FIP1L1: variants seen among roughly 807,000 people sequenced by gnomAD.
The protein encoded by FIP1L1 is pre-mRNA 3'-end-processing factor FIP1.
A neutral mutation model predicts 84.6 loss-of-function variants in FIP1L1; 21 were observed. The observed-to-expected ratio is 0.25, with a 90% CI of 0.18 to 0.36. FIP1L1 has a LOEUF of 0.36. FIP1L1 is among the 10% of genes least tolerant of loss of function. The pLI, the probability that FIP1L1 is intolerant of heterozygous loss-of-function variation, is 1.00. For missense variants in FIP1L1, 526 were observed against 751.1 expected, an observed-to-expected ratio of 0.70 and a Z score of 3.50; for synonymous variants, 263 against 242.3, an observed-to-expected ratio of 1.09 and a Z score of -0.80.
chr4:53,390,480 T>C (rs950561985), intron 6 of FIP1L1, 41 bp from the exon 7 acceptor site: 1 of 1,316,442 alleles, frequency 7.6e-7, no homozygotes, highest in South Asian at 1.2e-5. Context: ...GCCTGGCTTC[T>C]TGCAAGTATA....
chr4:53,413,756 G>C (rs1436668719), intron 10 of FIP1L1, among the ~76,000 whole-genome samples: 2 of 152,040 alleles, frequency 1.3e-5, no homozygotes, highest in East Asian at 3.8e-4. Flanking sequence ...TATTGTGTCT[G>C]TTTGTATGCA....
chr4:53,438,164 A>G (rs1481783426), intron 13 of FIP1L1, among the ~76,000 whole-genome samples: 1 of 152,110 alleles, frequency 6.6e-6, no homozygotes, highest in East Asian at 1.9e-4. Context: ...ACATTTTTTT[A>G]AACTCATTTT....
intron 9 of FIP1L1, among the ~76,000 whole-genome samples, chr4:53,397,738 A>G (rs1055080119): frequency 2.8e-4 from 42 of 152,232 alleles, no homozygotes; most frequent in African/African-American, 9.9e-4. Flanking sequence ...AATTTGGCAT[A>G]TATTGTAAAG....
chr4:53,426,825 T>G (rs983276449), intron 12 of FIP1L1, among the ~76,000 whole-genome samples: 1 of 152,178 alleles, frequency 6.6e-6, no homozygotes, highest in Non-Finnish European at 1.5e-5. Flanking sequence ...TAGAGCTGCT[T>G]TGTTTTTAGG....
chr4:53,387,055 A>C (rs1393671882), intron 5 of FIP1L1, among the ~76,000 whole-genome samples: 1 of 152,246 alleles, frequency 6.6e-6, no homozygotes, highest in Non-Finnish European at 1.5e-5. Flanking sequence ...GATGGGTTAG[A>C]TAGAGAGACA....
At chr4:53,456,909 C>G (rs1285948813) in intron 16 of FIP1L1, among the ~76,000 whole-genome samples, 1 of 152,012 alleles carries the variant, frequency 6.6e-6, no homozygotes, top group Non-Finnish European at 1.5e-5. Context: ...TAACAAATGA[C>G]ACATTATGAG....
chr4:53,435,422 A>T (rs1158763961), intron 13 of FIP1L1, among the ~76,000 whole-genome samples: 4 of 152,154 alleles, frequency 2.6e-5, no homozygotes, highest in African/African-American at 7.2e-5. Context: ...TCGTCTCATG[A>T]TTATATGGAA....
At chr4:53,438,244 ATG>A (rs927310912) in intron 13 of FIP1L1, among the ~76,000 whole-genome samples, 24 of 152,170 alleles carry the variant, frequency 1.6e-4, no homozygotes, top group Middle Eastern at 3.2e-3. Context: ...GTTAGGCAGC[ATG>A]TGTTTGCCAG....
intron 11 of FIP1L1, among the ~76,000 whole-genome samples, chr4:53,418,537 A>G (rs78275795): frequency 0.029 from 4,377 of 152,284 alleles, 99 homozygotes; most frequent in Non-Finnish European, 0.047. Flanking sequence ...TAATTAGAAG[A>G]GTGAAGCAGT....
intron 10 of FIP1L1, among the ~76,000 whole-genome samples, chr4:53,410,187 G>T (rs1210106151): frequency 2.6e-5 from 4 of 152,220 alleles, no homozygotes; most frequent in Non-Finnish European, 4.4e-5. Context: ...TAGAGGAATG[G>T]TTCATTGTTG....
chr4:53,391,163 A>C (rs1167909156), intron 8 of FIP1L1, 24 bp downstream of exon 8: 1 of 1,582,324 alleles, frequency 6.3e-7, no homozygotes, highest in African/African-American at 1.4e-5. Flanking sequence ...ACTCCGGAAT[A>C]CCCTTGGCTT....
At chr4:53,420,244 A>G (rs1400799534) in intron 11 of FIP1L1, among the ~76,000 whole-genome samples, 1 of 140,314 alleles carries the variant, frequency 7.1e-6, no homozygotes. Flanking sequence ...ACCAACATGG[A>G]GAAACCCTGT....
At chr4:53,424,373 G>A (rs2149949250) in intron 11 of FIP1L1, among the ~76,000 whole-genome samples, 1 of 152,156 alleles carries the variant, frequency 6.6e-6, no homozygotes, top group Non-Finnish European at 1.5e-5. Context: ...TTATTGTAGA[G>A]ATATTTGGAT....
chr4:53,390,204 T>C (rs1179072110), intron 6 of FIP1L1, among the ~76,000 whole-genome samples: 2 of 152,036 alleles, frequency 1.3e-5, no homozygotes, highest in Admixed American at 1.3e-4. Context: ...CCTCCCAGAG[T>C]GTTGGGATTC....
At chr4:53,455,072 C>T (rs1220704683) in intron 16 of FIP1L1, among the ~76,000 whole-genome samples, 1 of 152,156 alleles carries the variant, frequency 6.6e-6, no homozygotes, top group South Asian at 2.1e-4. Context: ...TTCTGCAGCT[C>T]CCTCACCTAT....
rs568657286 is a variant in FIP1L1 at position 53,410,967 on chromosome 4, A to G, written c.816-3648A>G. ...GTCTTAGAATGTATCCCCCAAGAAT[A>G]AGGTGGGGGGGGCTGCTGTATATTT... On this transcript the variant is annotated intron_variant, in intron 10 of 17. Transcript: ENST00000337488. Among the ~76,000 whole-genome samples, 17 of 50,898 alleles carry G rather than the reference A, an allele frequency of 3.3e-4. No individual in the cohort carries two copies. In the East Asian group the frequency reaches 5.9e-3, roughly 18 times the overall value. 33.4% of individuals were successfully genotyped at this position (50,898 alleles called of 152,430 possible). A position where few individuals can be genotyped will look rare whatever the true frequency, so the allele number is the denominator to read the frequency against.
chr4:53,436,116 A>G (rs528213791), intron 13 of FIP1L1, among the ~76,000 whole-genome samples: 96 of 152,330 alleles, frequency 6.3e-4, no homozygotes, highest in Non-Finnish European at 1.1e-3. Context: ...TTTCATGTGA[A>G]TTTGAATAGA....
chr4:53,406,143 G>C (rs1753301873), intron 10 of FIP1L1, among the ~76,000 whole-genome samples: 1 of 152,098 alleles, frequency 6.6e-6, no homozygotes. Flanking sequence ...TTGGCTGTGG[G>C]TTTGTTATAG....
At chr4:53,391,776 A>G (rs1301185978) in intron 9 of FIP1L1, among the ~76,000 whole-genome samples, 1 of 152,224 alleles carries the variant, frequency 6.6e-6, no homozygotes, top group Admixed American at 6.5e-5. Flanking sequence ...GTAGGATAGA[A>G]AAGTTAGTGG....
Sources: allele counts gnomAD v4.1 joint callset (sites outside exome capture counted in the v4.1 genomes callset), GRCh38; gene constraint gnomAD v4.1.1; transcripts MANE v1.5; gene names NCBI Gene and HGNC (gene_info 2026-07-23, HGNC 2026-07-21).